COL4A2: variants seen among roughly 807,000 people sequenced by gnomAD.
COL4A2 encodes the protein collagen type IV alpha 2 chain, also known as collagen alpha-2(IV) chain.
A neutral mutation model predicts 200.2 loss-of-function variants in COL4A2; 99 were observed. The ratio of observed to expected loss-of-function variants is 0.49; its 90% CI spans 0.42 to 0.58. The LOEUF is 0.58. Ranked by LOEUF, COL4A2 falls within the 20% of genes least tolerant of loss-of-function variation. The pLI is 0.00. For missense variants in COL4A2, 1,950 were observed against 2,314.1 expected, an observed-to-expected ratio of 0.84 and a Z score of 3.23; for synonymous variants, 897 against 900.6, an observed-to-expected ratio of 1.00 and a Z score of 0.07.
intron 26 of COL4A2, among the ~76,000 whole-genome samples, 200 bp from the exon 27 acceptor site, chr13:110,466,840 G>A (rs1035259748): frequency 2.0e-5 from 3 of 152,088 alleles, no homozygotes; most frequent in South Asian, 2.1e-4. Context: ...CATTTTATAC[G>A]AATATTTTGA....
intron 4 of COL4A2, among the ~76,000 whole-genome samples, chr13:110,370,905 A>C (rs184467430): frequency 3.0e-4 from 46 of 152,368 alleles, no homozygotes; most frequent in Admixed American, 2.9e-3. Context: ...AGGGATAGCT[A>C]TGCAGCCATC....
In COL4A2 at chr13:110,402,469, T is replaced by C. The variant is rs118157306; in HGVS notation, c.181-22265T>C. On this transcript the variant is annotated intron_variant, in intron 4 of 47. Coordinates refer to ENST00000360467, the MANE Select transcript of COL4A2 (RefSeq NM_001846.4). ...CCTTCTGGACACACTGGGGTGGGGA[T>C]TGGTTCCTTGAGTCTCGGGGCAGCC... 2.6e-3 allele frequency among the ~76,000 whole-genome samples: 389 copies of C among 152,256 alleles called. 2 individuals are homozygous for C. Among genetic ancestry groups the C allele is most frequent in the Non-Finnish European group, 3.4e-3 (233 of 68,016 alleles).
At chr13:110,479,539 G>A (rs1882822778) in intron 30 of COL4A2, among the ~76,000 whole-genome samples, 1 of 43,082 alleles carries the variant, frequency 2.3e-5, no homozygotes, top group African/African-American at 7.1e-5. Flanking sequence ...AGGGGGCTGG[G>A]GGTTTAGATA....
At position 110,484,952 on chromosome 13, in the gene COL4A2, C is replaced by A. The variant is rs1188001799; in HGVS notation, c.2950C>A (p.Pro984Thr). ...GPPGPPPVIL[P>T]GMKDIKGEKG... Reference sequence around the variant, plus strand: ...CCCAGGACCACCTCCTGTCATCCTGCCAGGAATGAAAGACATTAAAGGAGA... The same window carrying A: ...CCCAGGACCACCTCCTGTCATCCTGACAGGAATGAAAGACATTAAAGGAGA... The change falls in exon 33 of 48, where the codon CCA (proline) becomes ACA (threonine). Residue 984 changes from proline (P) to threonine (T), a missense_variant. This residue lies in a region of COL4A2 where 1,385 missense variants were observed against 1,720.5 expected (regional missense o/e 0.80). Coordinates refer to ENST00000360467, the MANE Select transcript of COL4A2 (RefSeq NM_001846.4). The A allele has an allele frequency of 1.2e-6, 2 of 1,612,976 alleles. No individual in the cohort carries two copies.
intron 3 of COL4A2, among the ~76,000 whole-genome samples, chr13:110,348,392 T>C (rs562144662): frequency 2.6e-5 from 4 of 152,338 alleles, no homozygotes; most frequent in African/African-American, 9.6e-5. Context: ...AAGAAGGATT[T>C]GTGCTGGGTG....
intron 8 of COL4A2, 67 bp downstream of exon 8, chr13:110,430,023 A>C: frequency 6.9e-7 from 1 of 1,454,608 alleles, no homozygotes; most frequent in Non-Finnish European, 9.2e-7. Flanking sequence ...AACAAAGTTA[A>C]TTGCCAAGTG....
At position 110,512,002 on chromosome 13, in the gene COL4A2, C is replaced by T. The variant is rs776842061; in HGVS notation, c.4950C>T (p.Phe1650=). The T allele has an allele frequency of 5.2e-5, 84 of 1,613,482 alleles. No homozygotes were observed. Among genetic ancestry groups the T allele is most frequent in the Non-Finnish European group, 6.9e-5 (82 of 1,180,060 alleles). ...CACCGGGCAGCTGTCTAGAGGACTT[C>T]CGCGCCACACCATTCATCGAATGCA... The part of the protein sequence containing the change: ...LVSPGSCLED[F]RATPFIECNG... The change falls in exon 48 of 48, where the codon TTC becomes TTT. Residue 1650 remains phenylalanine, a synonymous_variant. Transcript: ENST00000360467.
chr13:110,350,775 C>T (rs1876921824), intron 3 of COL4A2, among the ~76,000 whole-genome samples: 1 of 152,224 alleles, frequency 6.6e-6, no homozygotes, highest in African/African-American at 2.4e-5. Flanking sequence ...GCCTGCATTC[C>T]TCACTAGCTC....
intron 3 of COL4A2, among the ~76,000 whole-genome samples, chr13:110,318,995 C>T (rs1885214204): frequency 6.6e-6 from 1 of 152,078 alleles, no homozygotes; most frequent in East Asian, 1.9e-4. Context: ...TTTGCCCATT[C>T]TCACGTATTT....
intron 18 of COL4A2, among the ~76,000 whole-genome samples, chr13:110,448,407 C>T (rs1463547927): frequency 1.3e-5 from 2 of 152,116 alleles, no homozygotes; most frequent in Non-Finnish European, 2.9e-5. Context: ...TTCAGAAATG[C>T]GGAGGTTGCC....
chr13:110,441,064 C>T (rs368015743), intron 16 of COL4A2, among the ~76,000 whole-genome samples: 1 of 152,218 alleles, frequency 6.6e-6, no homozygotes, highest in Non-Finnish European at 1.5e-5. Context: ...GCAGTCACCT[C>T]GGTGGTACAC....
At chr13:110,481,313 TGTCCC>T in intron 31 of COL4A2, among the ~76,000 whole-genome samples, 1 of 43,472 alleles carries the variant, frequency 2.3e-5, no homozygotes, top group Non-Finnish European at 4.7e-5. Context: ...CACACTGTTC[TGTCCC>T]TCCATTGCTG....
chr13:110,497,938 C>T (rs1352718952), intron 40 of COL4A2, among the ~76,000 whole-genome samples: 5 of 102,920 alleles, frequency 4.9e-5, no homozygotes, highest in African/African-American at 8.2e-5. Flanking sequence ...GGGGTCAGTC[C>T]ACCAGCACAG....
At chr13:110,450,022 C>T (rs1881477687) in intron 19 of COL4A2, among the ~76,000 whole-genome samples, 1 of 152,234 alleles carries the variant, frequency 6.6e-6, no homozygotes, top group African/African-American at 2.4e-5. Flanking sequence ...CGATGGGTAA[C>T]TGGCATGCTT....
At chr13:110,384,371 GTA>G (rs1485981805) in intron 4 of COL4A2, among the ~76,000 whole-genome samples, 1 of 152,178 alleles carries the variant, frequency 6.6e-6, no homozygotes, top group Admixed American at 6.5e-5. Context: ...CCCTCCTTAA[GTA>G]TCCAATTCTA....
At chr13:110,417,132 C>T (rs1880074035) in intron 4 of COL4A2, among the ~76,000 whole-genome samples, 1 of 152,196 alleles carries the variant, frequency 6.6e-6, no homozygotes, top group South Asian at 2.1e-4. Context: ...AGGAGCCCAC[C>T]ACCACGCCTG....
At chr13:110,338,449 G>A (rs1286066252) in intron 3 of COL4A2, among the ~76,000 whole-genome samples, 1 of 148,534 alleles carries the variant, frequency 6.7e-6, no homozygotes, top group Admixed American at 6.7e-5. Context: ...GGGGGTGGGG[G>A]TAAAATGCTC....
At chr13:110,309,190 G>C (rs1365673838) in intron 3 of COL4A2, among the ~76,000 whole-genome samples, 1 of 152,230 alleles carries the variant, frequency 6.6e-6, no homozygotes, top group South Asian at 2.1e-4. Context: ...GAGTGATGAG[G>C]AGCTACTCCC....
intron 34 of COL4A2, among the ~76,000 whole-genome samples, chr13:110,488,836 C>G (rs1005433226): frequency 1.3e-5 from 2 of 152,206 alleles, no homozygotes; most frequent in Non-Finnish European, 2.9e-5. Context: ...ACCGCCGCCG[C>G]TGACATCACC....
Sources: gnomAD v4.1 joint callset for allele counts (sites outside exome capture counted in the v4.1 genomes callset) on GRCh38, gnomAD v4.1.1 for gene constraint, gnomAD v4.1.1 regional missense constraint, MANE v1.5 for transcripts, NCBI Gene and HGNC (gene_info 2026-07-23, HGNC 2026-07-21) for gene names.